Variants in ACKR3 observed in about 807,000 individuals in gnomAD.
ACKR3 encodes the protein atypical chemokine receptor 3.
Under a neutral mutation model 22.4 loss-of-function variants are expected in ACKR3, and 6 were observed. The observed-to-expected ratio is 0.27, with a 90% confidence interval of 0.15 to 0.53. The LOEUF (loss-of-function observed/expected upper bound fraction) is 0.53, where lower values mean the gene tolerates loss of function less well. Ranked by LOEUF, ACKR3 falls within the 20% of genes least tolerant of loss-of-function variation. The probability of loss-of-function intolerance (pLI) is 0.96; values close to 1 mark genes in which losing one functional copy is unlikely to be tolerated. For missense variants in ACKR3, 396 were observed against 475.2 expected, an observed-to-expected ratio of 0.83 and a Z score of 1.55; for synonymous variants, 209 against 205.2, an observed-to-expected ratio of 1.02 and a Z score of -0.16.
chr2:236,542,180 C>T, the ACKR3 span, among the ~76,000 whole-genome samples: 1 of 152,200 alleles, frequency 6.6e-6, no homozygotes, highest in Non-Finnish European at 1.5e-5. Flanking sequence ...TAGGGCCTAA[C>T]AAGAGACAGA....
chr2:236,541,029 T>A, the ACKR3 span, among the ~76,000 whole-genome samples: 1 of 152,236 alleles, frequency 6.6e-6, no homozygotes. Flanking sequence ...ATTTTTACAT[T>A]GGTACCTGTA....
intron 1 of ACKR3, among the ~76,000 whole-genome samples, chr2:236,578,849 CA>C (rs1460790672): frequency 5.9e-5 from 9 of 152,334 alleles, no homozygotes; most frequent in African/African-American, 1.9e-4. Context: ...TAGAATTAAA[CA>C]AGGTTCTGCT....
chr2:236,578,004 A>G (rs1315108703), intron 1 of ACKR3, among the ~76,000 whole-genome samples: 1 of 152,236 alleles, frequency 6.6e-6, no homozygotes, highest in Non-Finnish European at 1.5e-5. Flanking sequence ...TTGGAAACCA[A>G]GCCATGATGC....
the ACKR3 span, among the ~76,000 whole-genome samples, chr2:236,549,897 C>T: frequency 1.3e-3 from 195 of 152,280 alleles, 1 homozygote; most frequent in African/African-American, 4.5e-3. This position sits in a 1 kb window ranked among gnomAD's most constrained non-coding sequence, Gnocchi z 5.3. Flanking sequence ...GATGGGTAAA[C>T]AGTGTTTACA....
At chr2:236,542,447 G>A in the ACKR3 span, among the ~76,000 whole-genome samples, 1 of 152,170 alleles carries the variant, frequency 6.6e-6, no homozygotes, top group East Asian at 1.9e-4. Context: ...CCTGACTGAG[G>A]CAGTCATTTT....
At position 236,577,015 on chromosome 2, in the gene ACKR3, G is replaced by A. The variant is rs902378835; in HGVS notation, c.-26-3425G>A. The stretch of plus-strand genomic sequence containing the variant: ...GAACCTTTGGTGGTGGGAAGGGAGA[G>A]GCCCGTCCAGGCCCCGAGAGGAAAG... On this transcript the variant is annotated intron_variant, in intron 1 of 1. Transcript: ENST00000272928. The surrounding 1 kb of genome is among the most constrained non-coding windows in gnomAD (Gnocchi z 5.6). Among the ~76,000 whole-genome samples, 2 of 152,210 alleles carry A rather than the reference G, an allele frequency of 1.3e-5. No homozygotes were observed. Among genetic ancestry groups the A allele is most frequent in the Non-Finnish European group, 2.9e-5 (2 of 68,038 alleles).
Position 236,580,589 on chromosome 2 carries a change from G to A in ACKR3, c.124G>A (p.Val42Ile), listed in dbSNP as rs146407095. Residue 42 changes from valine (V) to isoleucine (I), a missense_variant, in exon 2 of 2, where the codon GTC becomes ATC. Coordinates refer to ENST00000272928, the MANE Select transcript of ACKR3 (RefSeq NM_020311.3). ...VMCPNMPNKS[V>I]LLYTLSFIYI... Reference sequence around the variant, plus strand: ...GTGTCCCAACATGCCCAACAAAAGCGTCCTGCTCTACACGCTCTCCTTCAT... The same window carrying A: ...GTGTCCCAACATGCCCAACAAAAGCATCCTGCTCTACACGCTCTCCTTCAT... 4.3e-3 allele frequency: 7,018 copies of A among 1,613,604 alleles called. 21 individuals carry two copies. Among genetic ancestry groups the A allele is most frequent in the Non-Finnish European group, 5.4e-3 (6,335 of 1,179,748 alleles).
At chr2:236,538,844 T>A in the ACKR3 span, among the ~76,000 whole-genome samples, 1 of 152,220 alleles carries the variant, frequency 6.6e-6, no homozygotes, top group African/African-American at 2.4e-5. Flanking sequence ...TAAGAAGTGA[T>A]GTGTGGTTTC....
chr2:236,537,721 G>C, the ACKR3 span, among the ~76,000 whole-genome samples: 1 of 152,186 alleles, frequency 6.6e-6, no homozygotes, highest in East Asian at 1.9e-4. Flanking sequence ...TTATGAGCCA[G>C]AATTAGGAAT....
In ACKR3 at chr2:236,581,463, A is replaced by C; in HGVS notation, c.998A>C (p.Lys333Thr). The C allele has an allele frequency of 6.2e-7, 1 of 1,614,182 alleles. No homozygotes were observed. The highest frequency in any genetic ancestry group is 8.5e-7 in the Non-Finnish European group (1 of 1,180,038). Reference sequence around the variant, plus strand: ...GAGCTGATGAAGGCCTTCATCTTCAAGTACTCGGCCAAAACAGGGCTCACC... The same window carrying C: ...GAGCTGATGAAGGCCTTCATCTTCACGTACTCGGCCAAAACAGGGCTCACC... Reference protein sequence around the residue: ...RYELMKAFIFKYSAKTGLTKL... With the variant: ...RYELMKAFIFTYSAKTGLTKL... The change falls in exon 2 of 2, where the codon AAG (lysine) becomes ACG (threonine). Residue 333 changes from lysine to threonine, a missense_variant. Lys to Thr is a moderately conservative substitution (Grantham distance 78). Transcript: ENST00000272928. The surrounding 1 kb of genome is among the most constrained non-coding windows in gnomAD (Gnocchi z 4.4).
the ACKR3 span, among the ~76,000 whole-genome samples, chr2:236,538,316 C>T: frequency 6.6e-6 from 1 of 152,112 alleles, no homozygotes; most frequent in Non-Finnish European, 1.5e-5. Flanking sequence ...CACAGATTGC[C>T]GAAATGAAAC....
chr2:236,558,220 C>T, the ACKR3 span, among the ~76,000 whole-genome samples: 1 of 152,170 alleles, frequency 6.6e-6, no homozygotes, highest in Non-Finnish European at 1.5e-5. Flanking sequence ...CAGGGCAACC[C>T]TATAGGCAGT....
At chr2:236,544,357 G>C in the ACKR3 span, among the ~76,000 whole-genome samples, 1 of 152,116 alleles carries the variant, frequency 6.6e-6, no homozygotes, top group Non-Finnish European at 1.5e-5. This position sits in a 1 kb window ranked among gnomAD's most constrained non-coding sequence, Gnocchi z 5.0. Context: ...TCTGTGGATG[G>C]GGGGAAGGCA....
chr2:236,577,984 G>C lies in ACKR3; in HGVS notation c.-26-2456G>C, dbSNP rs1426030850. On this transcript the variant is annotated intron_variant, in intron 1 of 1. Transcript: ENST00000272928. The surrounding 1 kb of genome is among the most constrained non-coding windows in gnomAD (Gnocchi z 5.6). ...CTCTGGGGTCAGATGAGATCATGGGGGAAAGTGTTTTGGAAACCAAGCCAT... is the reference window on the plus strand; with the variant it reads ...CTCTGGGGTCAGATGAGATCATGGGCGAAAGTGTTTTGGAAACCAAGCCAT... 6.6e-6 allele frequency among the ~76,000 whole-genome samples: 1 copy of C among 152,250 alleles called. No individual in the cohort carries two copies. Among genetic ancestry groups the C allele is most frequent in the African/African-American group, 2.4e-5 (1 of 41,470 alleles).
the ACKR3 span, among the ~76,000 whole-genome samples, chr2:236,540,926 A>C: frequency 7.7e-4 from 117 of 152,326 alleles, 5 homozygotes; most frequent in East Asian, 0.022. Context: ...CTTGTACCCA[A>C]ATACCTGTTA....
upstream of ACKR3, chr2:236,567,798 G>C (rs1052767258): frequency 1.3e-5 from 2 of 152,596 alleles, no homozygotes; most frequent in Admixed American, 1.3e-4. Flanking sequence ...GTGACCCCGG[G>C]GCCAGAATTC....
chr2:236,541,427 A>T, the ACKR3 span, among the ~76,000 whole-genome samples: 1 of 152,188 alleles, frequency 6.6e-6, no homozygotes, highest in African/African-American at 2.4e-5. Context: ...AAGAACTGGG[A>T]TTCCACCTCT....
chr2:236,581,050 C>T lies in ACKR3; in HGVS notation c.585C>T (p.Tyr195=), dbSNP rs1362485641. The T allele has an allele frequency of 2.5e-6, 4 of 1,614,220 alleles. No individual in the cohort carries two copies. The highest frequency in any genetic ancestry group is 2.2e-5 in the South Asian group (2 of 91,086). The change falls in exon 2 of 2, where the codon TAC becomes TAT. Residue 195 remains tyrosine (Y), a synonymous_variant. Coordinates refer to ENST00000272928, the MANE Select transcript of ACKR3 (RefSeq NM_020311.3). The surrounding 1 kb of genome is among the most constrained non-coding windows in gnomAD (Gnocchi z 4.4). ...TVTSASNNET[Y]CRSFYPEHSI... is the part of the protein sequence containing the mutation. ...CGTCTGCGTCCAACAATGAGACCTACTGCCGGTCCTTCTACCCCGAGCACA... is the reference window on the plus strand; with the variant it reads ...CGTCTGCGTCCAACAATGAGACCTATTGCCGGTCCTTCTACCCCGAGCACA...
rs1275047663 is a variant in ACKR3 at position 236,574,703 on chromosome 2, T to C, written c.-27+4779T>C. Among the ~76,000 whole-genome samples the C allele has an allele frequency of 1.3e-5, 2 of 152,252 alleles. No homozygotes were observed. Among genetic ancestry groups the C allele is most frequent in the East Asian group, 3.9e-4 (2 of 5,178 alleles). ...TGTAATTCCGGCTTCACCCTCAGCT[T>C]GCAGAGTGAGCTCAGGGAGACCATT... is the stretch of plus-strand genomic sequence containing the variant. On this transcript the variant is annotated intron_variant, in intron 1 of 1. Coordinates refer to ENST00000272928, the MANE Select transcript of ACKR3 (RefSeq NM_020311.3). This position sits in a 1 kb window ranked among gnomAD's most constrained non-coding sequence, Gnocchi z 5.6.
Sources: gnomAD v4.1 joint callset for allele counts (sites outside exome capture counted in the v4.1 genomes callset) on GRCh38, gnomAD v4.1.1 for gene constraint, Gnocchi (gnomAD v3.1) non-coding constraint, MANE v1.5 for transcripts, NCBI Gene and HGNC (gene_info 2026-07-23, HGNC 2026-07-21) for gene names.